Variants in ZNF341 observed in about 807,000 individuals in gnomAD.
The protein encoded by ZNF341 is zinc finger protein 341.
In ZNF341, 52 loss-of-function variants were observed where a neutral mutation model predicts 87.7. The observed-to-expected ratio is 0.59, with a 90% confidence interval of 0.47 to 0.75. The LOEUF is 0.75. ZNF341 is among the 30% of genes least tolerant of loss of function. The pLI, the probability that ZNF341 is intolerant of heterozygous loss-of-function variation, is 0.00. For missense variants in ZNF341, 977 were observed against 1,145.9 expected (o/e 0.85, Z 2.13); for synonymous variants, 459 against 472.7 (o/e 0.97, Z 0.38).
Position 33,788,867 on chromosome 20 carries a change from G to A in ZNF341, c.1857G>A (p.Glu619=), listed in dbSNP as rs1003005547. The A allele has an allele frequency of 6.2e-7, 1 of 1,613,908 alleles. No individual in the cohort carries two copies. The highest frequency in any genetic ancestry group is 1.7e-5 in the Admixed American group (1 of 60,004). The change falls in exon 13 of 15, where the codon GAG becomes GAA. Residue 619 remains glutamate (E), a synonymous_variant. Coordinates refer to ENST00000375200, the MANE Select transcript of ZNF341 (RefSeq NM_001282933.2). ...CCCTGTCTGTGTCTGCTGCAGGTGA[G>A]AAGCCCTACAAATGCTCAGTGTGCG... ...LKLHAHIHSG[E]KPYKCSVCES... is the part of the protein sequence containing the mutation.
chr20:33,783,646 T>C, intron 11 of ZNF341, 86 bp from the exon 12 acceptor site: 3 of 1,593,652 alleles, frequency 1.9e-6, no homozygotes, highest in Non-Finnish European at 2.6e-6. Flanking sequence ...CTATAGGGGC[T>C]GGAAACGAGG....
At chr20:33,766,203 A>G (rs568299137) in intron 8 of ZNF341, among the ~76,000 whole-genome samples, 1 of 147,988 alleles carries the variant, frequency 6.8e-6, no homozygotes, top group South Asian at 2.2e-4. Context: ...AATTATTATT[A>G]TTATTTTTTG....
intron 6 of ZNF341, among the ~76,000 whole-genome samples, chr20:33,758,071 G>A (rs1401571460): frequency 1.2e-4 from 19 of 152,156 alleles, no homozygotes; most frequent in Non-Finnish European, 1.5e-5. Context: ...CTGTGTGCCA[G>A]GCCCCATGTC....
At chr20:33,736,609 C>G (rs1409827926) in intron 1 of ZNF341, among the ~76,000 whole-genome samples, 1 of 152,122 alleles carries the variant, frequency 6.6e-6, no homozygotes, top group Admixed American at 6.5e-5. Context: ...CCTGCCTCAG[C>G]CTCCCGAGTA....
intron 1 of ZNF341, among the ~76,000 whole-genome samples, chr20:33,733,713 T>TGG (rs1318094585): frequency 6.6e-6 from 1 of 151,984 alleles, no homozygotes; most frequent in Non-Finnish European, 1.5e-5. Context: ...CACCAGGAAA[T>TGG]GGGGGGCGGG....
Position 33,767,060 on chromosome 20 carries a change from CAGG to C in ZNF341, c.1413+20_1413+22del, listed in dbSNP as rs1410928245. 6.2e-7 allele frequency: 1 copy of C among 1,602,590 alleles called. No homozygotes were observed. Among genetic ancestry groups the C allele is most frequent in the Non-Finnish European group, 8.5e-7 (1 of 1,173,942 alleles). On this transcript the variant is annotated intron_variant, in intron 9 of 14. Coordinates refer to ENST00000375200, the MANE Select transcript of ZNF341 (RefSeq NM_001282933.2). ...TGAGCAGGTAGGTGGATGGTGGCAG[CAGG>C]GGCCCACACCACACCAGTCGAAACC...
At chr20:33,780,821 G>A (rs772495387) in intron 10 of ZNF341, among the ~76,000 whole-genome samples, 2 of 151,814 alleles carry the variant, frequency 1.3e-5, no homozygotes, top group South Asian at 2.1e-4. Context: ...GGGCTTAAGC[G>A]ATCCTCCTGC....
intron 10 of ZNF341, among the ~76,000 whole-genome samples, chr20:33,777,151 CAAAA>C (rs58139073): frequency 4.7e-5 from 2 of 42,970 alleles, no homozygotes; most frequent in East Asian, 7.0e-4. Context: ...CCGTCTTTAC[CAAAA>C]AAAAAAAAAA....
intron 11 of ZNF341, among the ~76,000 whole-genome samples, chr20:33,782,925 G>A (rs900711032): frequency 6.6e-6 from 1 of 152,288 alleles, no homozygotes; most frequent in East Asian, 1.9e-4. Context: ...GGAGGCTGAG[G>A]CGGGTGGATC....
chr20:33,784,914 C>G (rs1254477826), intron 12 of ZNF341, among the ~76,000 whole-genome samples: 1 of 152,220 alleles, frequency 6.6e-6, no homozygotes, highest in Non-Finnish European at 1.5e-5. Flanking sequence ...CTGCACCCAG[C>G]CTGTGTGAGG....
chr20:33,749,113 C>A, intron 4 of ZNF341, 41 bp downstream of exon 4: 1 of 1,586,790 alleles, frequency 6.3e-7, no homozygotes, highest in South Asian at 1.1e-5. Context: ...TGATTCCAGA[C>A]CTGTACATTA....
intron 11 of ZNF341, 85 bp downstream of exon 11, chr20:33,781,472 TCTC>T: frequency 1.6e-6 from 2 of 1,229,860 alleles, no homozygotes; most frequent in East Asian, 2.3e-5. Flanking sequence ...ACCCTTTCCT[TCTC>T]CTCTCTCACC....
chr20:33,762,068 A>G lies in ZNF341; in HGVS notation c.1222+13A>G. The stretch of plus-strand genomic sequence containing the variant: ...GAGGAAAGCACAGGTGGGTGGAAGT[A>G]GGGAACGCCATGCTTCCCACACCTC... On this transcript the variant is annotated intron_variant, in intron 8 of 14. Coordinates refer to ENST00000375200, the MANE Select transcript of ZNF341 (RefSeq NM_001282933.2). 6.6e-7 allele frequency: 1 copy of G among 1,517,034 alleles called. No homozygotes were observed. Among genetic ancestry groups the G allele is most frequent in the Non-Finnish European group, 9.0e-7 (1 of 1,115,824 alleles). 94.0% of individuals were successfully genotyped at this position (1,517,034 alleles called of 1,614,324 possible).
At chr20:33,748,811 C>T in intron 3 of ZNF341, 112 bp from the exon 4 acceptor site, 2 of 1,084,568 alleles carry the variant, frequency 1.8e-6, no homozygotes, top group East Asian at 5.1e-5. Flanking sequence ...TGTGCCATGC[C>T]CTCGGCTTAC....
intron 9 of ZNF341, among the ~76,000 whole-genome samples, chr20:33,769,458 G>A (rs568935121): frequency 2.6e-5 from 4 of 152,210 alleles, no homozygotes; most frequent in African/African-American, 7.2e-5. Context: ...TTTGAGAGCC[G>A]GTATTCCAGT....
At chr20:33,754,095 TA>T (rs1321038776) in intron 5 of ZNF341, among the ~76,000 whole-genome samples, 3 of 152,282 alleles carry the variant, frequency 2.0e-5, no homozygotes, top group Non-Finnish European at 4.4e-5. Context: ...TTTAGGCTTG[TA>T]AGTAACACAG....
intron 4 of ZNF341, chr20:33,752,261 TC>T (rs2019075197): frequency 1.7e-6 from 1 of 595,734 alleles, no homozygotes; most frequent in Admixed American, 1.9e-5. Context: ...TGGATCTTCA[TC>T]CTCATAACAT....
At chr20:33,788,795 G>T in intron 12 of ZNF341, 68 bp from the exon 13 acceptor site, 1 of 1,340,770 alleles carries the variant, frequency 7.5e-7, no homozygotes, top group South Asian at 1.2e-5. Flanking sequence ...GGGGCCCAGC[G>T]GGGACCCTTG....
Position 33,791,141 on chromosome 20 carries a change from G to A in ZNF341, c.2189G>A (p.Arg730His), listed in dbSNP as rs773489613. The change falls in exon 15 of 15, where the codon CGC becomes CAC. Residue 730 changes from arginine (R) to histidine (H), a missense_variant. Around this residue, in one of 3 missense-constraint regions of ZNF341, gnomAD observed 221 missense variants for 212.7 expected, o/e 1.04. Transcript: ENST00000375200. ...FSRHKYLKDHRCRLGPQKDKD... is the reference protein window; with the variant it reads ...FSRHKYLKDHHCRLGPQKDKD... ...CGCCACAAATACCTCAAAGATCACC[G>A]CTGTCGTCTCGGCCCCCAAAAGGAC... The A allele has an allele frequency of 3.2e-5, 52 of 1,613,146 alleles. No individual in the cohort carries two copies. The highest frequency in any genetic ancestry group is 1.6e-4 in the Middle Eastern group (1 of 6,084).
Sources: allele counts gnomAD v4.1 joint callset (sites outside exome capture counted in the v4.1 genomes callset), GRCh38; gene constraint gnomAD v4.1.1; regional missense constraint gnomAD v4.1.1; transcripts MANE v1.5; gene names NCBI Gene and HGNC (gene_info 2026-07-23, HGNC 2026-07-21).